GLRA3: variants seen among roughly 807,000 people sequenced by gnomAD.
GLRA3 encodes the protein glycine receptor subunit alpha-3.
Under a neutral mutation model 60.4 loss-of-function variants are expected in GLRA3, and 44 were observed. The ratio of observed to expected loss-of-function variants is 0.73; its 90% CI spans 0.57 to 0.94. The LOEUF (loss-of-function observed/expected upper bound fraction) is 0.94. Ranked by LOEUF, GLRA3 falls within the 40% of genes least tolerant of loss-of-function variation. GLRA3 has a pLI of 0.00. For synonymous variants in GLRA3, 223 were observed against 192.9 expected, an observed-to-expected ratio of 1.16 and a Z score of -1.29; for missense variants, 508 against 564.6, an observed-to-expected ratio of 0.90 and a Z score of 1.02.
At chr4:174,680,067 T>C (rs1311196404) in intron 6 of GLRA3, among the ~76,000 whole-genome samples, 1 of 152,216 alleles carries the variant, frequency 6.6e-6, no homozygotes, top group Admixed American at 6.5e-5. Context: ...TACCCAGATT[T>C]GATCATTACA....
At chr4:174,811,697 T>A (rs1190144110) in intron 1 of GLRA3, among the ~76,000 whole-genome samples, 2 of 152,250 alleles carry the variant, frequency 1.3e-5, no homozygotes, top group Non-Finnish European at 2.9e-5. Context: ...TATGGTGAAT[T>A]AGAAAAACAA....
Position 174,666,757 on chromosome 4 carries a change from TATTATA to T in GLRA3, c.928-7566_928-7561del, listed in dbSNP as rs1277982178. On this transcript the variant is annotated intron_variant, in intron 7 of 9. Transcript: ENST00000274093. ...AAATAAGAATATATATATATATATA[TATTATA>T]TATATATATATATATATAATTGGAT... Among the ~76,000 whole-genome samples the T allele has an allele frequency of 9.5e-3, 476 of 49,922 alleles. 5 individuals carry two copies. The highest frequency in any genetic ancestry group is 0.07 in the African/African-American group (452 of 6,474). 32.8% of individuals were successfully genotyped at this position (49,922 alleles called of 152,430 possible). A position where few individuals can be genotyped will look rare whatever the true frequency, so the allele number is the denominator to read the frequency against.
At chr4:174,653,793 G>A (rs1453895128) in intron 9 of GLRA3, among the ~76,000 whole-genome samples, 1 of 151,950 alleles carries the variant, frequency 6.6e-6, no homozygotes, top group African/African-American at 2.4e-5. Context: ...TTAACATTGA[G>A]ATGGAAGTCA....
intron 5 of GLRA3, among the ~76,000 whole-genome samples, chr4:174,699,089 C>T (rs1361286766): frequency 6.6e-6 from 1 of 151,882 alleles, no homozygotes; most frequent in East Asian, 1.9e-4. Context: ...CCTCCACTTC[C>T]CAGGTTCAAG....
chr4:174,728,422 T>C, intron 4 of GLRA3, 53 bp downstream of exon 4: 1 of 990,144 alleles, frequency 1.0e-6, no homozygotes, highest in Non-Finnish European at 1.6e-6. Flanking sequence ...CAACCAACAA[T>C]ACACCATGAT....
intron 4 of GLRA3, among the ~76,000 whole-genome samples, chr4:174,721,279 A>T (rs2111111970): frequency 6.6e-6 from 1 of 152,082 alleles, no homozygotes; most frequent in African/African-American, 2.4e-5. Context: ...TTCCCACCTC[A>T]GCTTCCCAAA....
chr4:174,666,717 T>C (rs1429219988), intron 7 of GLRA3, among the ~76,000 whole-genome samples: 1 of 146,182 alleles, frequency 6.8e-6, no homozygotes, highest in Non-Finnish European at 1.5e-5. Context: ...AGAGAAAGCC[T>C]GCCTCTTGCA....
At chr4:174,655,744 T>TG (rs1323421848) in intron 9 of GLRA3, among the ~76,000 whole-genome samples, 1 of 152,012 alleles carries the variant, frequency 6.6e-6, no homozygotes, top group Non-Finnish European at 1.5e-5. Context: ...CTTTCAGGGA[T>TG]GAAAAACAAA....
intron 1 of GLRA3, among the ~76,000 whole-genome samples, chr4:174,798,714 GTA>G (rs1185677985): frequency 1.1e-4 from 17 of 152,218 alleles, no homozygotes; most frequent in African/African-American, 3.9e-4. Flanking sequence ...CACGAGGTCA[GTA>G]GACGGAGACC....
intron 4 of GLRA3, among the ~76,000 whole-genome samples, chr4:174,721,475 A>C (rs1023477714): frequency 7.7e-6 from 1 of 129,666 alleles, no homozygotes; most frequent in Admixed American, 7.9e-5. Flanking sequence ...TATATATAAC[A>C]TATATAACAT....
At chr4:174,714,689 CT>C (rs930911884) in intron 5 of GLRA3, among the ~76,000 whole-genome samples, 14 of 152,144 alleles carry the variant, frequency 9.2e-5, no homozygotes, top group African/African-American at 3.4e-4. Context: ...TCAAACAGTC[CT>C]TTTATTCCCC....
At chr4:174,747,401 T>G (rs1737298427) in intron 3 of GLRA3, among the ~76,000 whole-genome samples, 1 of 152,156 alleles carries the variant, frequency 6.6e-6, no homozygotes, top group African/African-American at 2.4e-5. Context: ...TGAGACAGAT[T>G]ATACAGGGCT....
At chr4:174,762,989 C>T (rs751036094) in intron 3 of GLRA3, among the ~76,000 whole-genome samples, 63 of 152,014 alleles carry the variant, frequency 4.1e-4, no homozygotes, top group African/African-American at 5.1e-4. Context: ...TTCATACAAA[C>T]GGAAGTAATT....
chr4:174,691,075 C>T (rs1416279338), intron 5 of GLRA3, among the ~76,000 whole-genome samples: 1 of 152,154 alleles, frequency 6.6e-6, no homozygotes, highest in Non-Finnish European at 1.5e-5. Context: ...CTGCTTTTAG[C>T]TCCTTCAGGA....
chr4:174,698,706 A>G (rs1249145922), intron 5 of GLRA3, among the ~76,000 whole-genome samples: 2 of 152,218 alleles, frequency 1.3e-5, no homozygotes, highest in African/African-American at 4.8e-5. Context: ...ATGATTGGAT[A>G]GCTTAAACAT....
chr4:174,693,837 G>T (rs1334766378), intron 5 of GLRA3, among the ~76,000 whole-genome samples: 2 of 152,062 alleles, frequency 1.3e-5, no homozygotes, highest in Non-Finnish European at 2.9e-5. Flanking sequence ...CTGTCCTCAA[G>T]AGACCAATCT....
intron 1 of GLRA3, among the ~76,000 whole-genome samples, chr4:174,825,025 A>G (rs545690817): frequency 6.8e-4 from 103 of 152,256 alleles, no homozygotes; most frequent in African/African-American, 2.5e-3. Context: ...ACTATATAGA[A>G]GAGGAAATAT....
intron 6 of GLRA3, among the ~76,000 whole-genome samples, chr4:174,682,494 C>T (rs1734388336): frequency 6.6e-6 from 1 of 152,066 alleles, no homozygotes; most frequent in Non-Finnish European, 1.5e-5. Context: ...GTTAAAAACA[C>T]ATTTTATTGT....
At chr4:174,821,871 A>G (rs1018084068) in intron 1 of GLRA3, among the ~76,000 whole-genome samples, 1 of 152,190 alleles carries the variant, frequency 6.6e-6, no homozygotes, top group African/African-American at 2.4e-5. Context: ...TCTTGAACAC[A>G]ATACTTCCTT....
Sources: gnomAD v4.1 joint callset for allele counts (sites outside exome capture counted in the v4.1 genomes callset) on GRCh38, gnomAD v4.1.1 for gene constraint, MANE v1.5 for transcripts, NCBI Gene and HGNC (gene_info 2026-07-23, HGNC 2026-07-21) for gene names.